Variants in KCNMA1 observed in about 807,000 individuals in gnomAD.
KCNMA1 encodes potassium calcium-activated channel subfamily M alpha 1.
A neutral mutation model predicts 140.0 loss-of-function variants in KCNMA1; 29 were observed. The observed-to-expected ratio is 0.21, with a 90% CI of 0.15 to 0.28. KCNMA1 has a LOEUF of 0.28. KCNMA1 is among the 10% of genes least tolerant of loss of function. KCNMA1 has a pLI of 1.00. For missense variants in KCNMA1, 880 were observed against 1,602.2 expected (o/e 0.55, Z 7.70); for synonymous variants, 612 against 611.9 (o/e 1.00, Z 0.00).
rs79489930 is a variant in KCNMA1, at chr10:77,093,906, G to A, written c.1224-3396C>T. On this transcript the variant is annotated intron_variant, in intron 9 of 27. Transcript: ENST00000286628. ...ATCTACCATGTGAGATTCATACTCT[G>A]ATAGCCCTGTGTTAACTCAGCTCAG... is the stretch of plus-strand genomic sequence containing the variant. Among the ~76,000 whole-genome samples the A allele has an allele frequency of 3.7e-3, 564 of 152,276 alleles. 5 individuals carry two copies. Among genetic ancestry groups the A allele is most frequent in the African/African-American group, 0.013 (541 of 41,550 alleles).
At chr10:77,492,099 T>C (rs910987090) in intron 1 of KCNMA1, among the ~76,000 whole-genome samples, 24 of 152,346 alleles carry the variant, frequency 1.6e-4, no homozygotes, top group South Asian at 4.1e-4. Context: ...CTCTGGTCTG[T>C]GACAGCCAGT....
chr10:77,101,150 GA>G (rs1354403164), intron 9 of KCNMA1, among the ~76,000 whole-genome samples: 2 of 152,094 alleles, frequency 1.3e-5, no homozygotes, highest in East Asian at 3.9e-4. Flanking sequence ...CAGATGCCAA[GA>G]AAGAAGTGCC....
chr10:77,132,331 G>A (rs1339121463), intron 5 of KCNMA1, among the ~76,000 whole-genome samples: 1 of 152,004 alleles, frequency 6.6e-6, no homozygotes, highest in South Asian at 2.1e-4. Flanking sequence ...AATGAAAAGT[G>A]CAAAAGAAAA....
Position 76,887,168 on chromosome 10 carries a change from G to C in KCNMA1, c.*98C>G. 1.9e-6 allele frequency: 3 copies of C among 1,611,578 alleles called. No homozygotes were observed. The highest frequency in any genetic ancestry group is 2.2e-5 in the East Asian group (1 of 44,858). ...AAATATGTGTAAAAAAAAAGGGGGG[G>C]ACTACAGGGGAAAACAGGGAAAGTT... On this transcript the variant is annotated 3_prime_UTR_variant, in exon 28 of 28. Coordinates refer to ENST00000286628, the MANE Select transcript of KCNMA1 (RefSeq NM_001161352.2).
downstream of KCNMA1, chr10:76,884,805 G>A (rs75681812): frequency 3.4e-5 from 30 of 878,944 alleles, no homozygotes; most frequent in Non-Finnish European, 4.3e-5. Flanking sequence ...GGGAGGGGGG[G>A]AAAAGCAAAA....
In KCNMA1 at chr10:76,910,761, A is replaced by T. The variant is rs545836367; in HGVS notation, c.3017-665T>A. 5.7e-5 allele frequency: 9 copies of T among 158,924 alleles called. 1 individual carries two copies. Among genetic ancestry groups the T allele is most frequent in the Admixed American group, 4.1e-4 (7 of 17,074 alleles). 9.8% of individuals were successfully genotyped at this position (158,924 alleles called of 1,614,324 possible). A position where few individuals can be genotyped will look rare whatever the true frequency, so the allele number is the denominator to read the frequency against. On this transcript the variant is annotated intron_variant, in intron 24 of 27. Transcript: ENST00000286628. The stretch of plus-strand genomic sequence containing the variant: ...GGACTTGCTCTGAATTTTGAGTTGC[A>T]TGGGGACGCCCACGTTCTCCCTTTC...
intron 19 of KCNMA1, chr10:76,975,424 T>C (rs1217238000): frequency 6.6e-6 from 1 of 152,202 alleles, no homozygotes; most frequent in East Asian, 1.9e-4. Context: ...GTTGTTTCCT[T>C]AAGCGATGAT....
intron 6 of KCNMA1, among the ~76,000 whole-genome samples, chr10:77,120,414 G>A (rs1400485755): frequency 6.6e-6 from 1 of 152,094 alleles, no homozygotes; most frequent in African/African-American, 2.4e-5. Flanking sequence ...CCCCCAAAAG[G>A]CAATTCACAG....
rs2288839 is a variant in KCNMA1, at chr10:76,889,844, T to C, written c.3343-275A>G. On this transcript the variant is annotated intron_variant, in intron 26 of 27. Transcript: ENST00000286628. The stretch of plus-strand genomic sequence containing the variant: ...GTGGGGTTTGAAAGCTCTAAGGAGA[T>C]TATGCTTCTCCCTCACTTTAAGTCA... The C allele has an allele frequency of 0.74, 360,683 of 486,404 alleles. 135,995 individuals are homozygous for C. The highest frequency in any genetic ancestry group is 0.88 in the African/African-American group (45,053 of 51,340). 30.1% of individuals were successfully genotyped at this position (486,404 alleles called of 1,614,324 possible).
intron 2 of KCNMA1, among the ~76,000 whole-genome samples, chr10:77,279,788 C>G (rs2067852333): frequency 6.6e-6 from 1 of 152,240 alleles, no homozygotes; most frequent in East Asian, 1.9e-4. Context: ...AGGAATAAGT[C>G]TCATGAGATC....
chr10:77,357,106 C>T (rs1467551280), intron 2 of KCNMA1, among the ~76,000 whole-genome samples: 1 of 152,188 alleles, frequency 6.6e-6, no homozygotes, highest in Non-Finnish European at 1.5e-5. Flanking sequence ...AATGAGTGAA[C>T]CAGTGACAGC....
At chr10:77,467,995 AT>A (rs1401726335) in intron 1 of KCNMA1, among the ~76,000 whole-genome samples, 1 of 151,928 alleles carries the variant, frequency 6.6e-6, no homozygotes, top group Non-Finnish European at 1.5e-5. Flanking sequence ...CCTTGTTTTT[AT>A]TTTTATTTTT....
In KCNMA1 at chr10:77,251,328, C is replaced by T. The variant is rs556928618; in HGVS notation, c.541-72G>A. The stretch of plus-strand genomic sequence containing the variant: ...GATGTTTGGGTTTTTTGACACATAC[C>T]GAAGCAGCTTTGAAATACGGTGCCC... On this transcript the variant is annotated intron_variant, in intron 2 of 27. Coordinates refer to ENST00000286628, the MANE Select transcript of KCNMA1 (RefSeq NM_001161352.2). 67 of 1,190,242 alleles carry T rather than the reference C, an allele frequency of 5.6e-5. No homozygotes were observed. In the African/African-American group the frequency reaches 5.9e-4, roughly 10 times the overall value. 73.7% of individuals were successfully genotyped at this position (1,190,242 alleles called of 1,614,324 possible).
chr10:77,072,009 A>C (rs1344349155), intron 14 of KCNMA1, among the ~76,000 whole-genome samples: 2 of 152,166 alleles, frequency 1.3e-5, no homozygotes, highest in East Asian at 3.9e-4. Flanking sequence ...AAAACCATCA[A>C]GGAACTTGGC....
intron 1 of KCNMA1, among the ~76,000 whole-genome samples, chr10:77,469,928 AG>A (rs2098115898): frequency 6.6e-6 from 1 of 152,234 alleles, no homozygotes; most frequent in Non-Finnish European, 1.5e-5. Flanking sequence ...AACTGCAGCA[AG>A]GAACAGGCTG....
intron 2 of KCNMA1, among the ~76,000 whole-genome samples, chr10:77,382,488 C>T (rs546235085): frequency 6.6e-6 from 1 of 152,272 alleles, no homozygotes; most frequent in African/African-American, 2.4e-5. Context: ...ACAAACCACA[C>T]AGGTCATTCT....
At chr10:77,483,439 G>A (rs181206788) in intron 1 of KCNMA1, among the ~76,000 whole-genome samples, 11 of 152,288 alleles carry the variant, frequency 7.2e-5, no homozygotes, top group Non-Finnish European at 1.5e-4. Flanking sequence ...GGGGCTCATC[G>A]GGGCAGGTGA....
intron 14 of KCNMA1, among the ~76,000 whole-genome samples, chr10:77,042,662 G>A (rs75877092): frequency 0.017 from 2,518 of 152,190 alleles, 78 homozygotes; most frequent in African/African-American, 0.057. Context: ...CAATTAATAT[G>A]GTTTTAACAA....
At chr10:77,446,183 A>T (rs1446946053) in intron 1 of KCNMA1, among the ~76,000 whole-genome samples, 1 of 152,180 alleles carries the variant, frequency 6.6e-6, no homozygotes, top group Non-Finnish European at 1.5e-5. Flanking sequence ...ACAGCCCCTG[A>T]TTCCCCCAGG....
Sources: allele counts gnomAD v4.1 joint callset (sites outside exome capture counted in the v4.1 genomes callset), GRCh38; gene constraint gnomAD v4.1.1; transcripts MANE v1.5; gene names NCBI Gene and HGNC (gene_info 2026-07-23, HGNC 2026-07-21).